PXK: variants seen among roughly 807,000 people sequenced by gnomAD.
The protein encoded by PXK is PX domain-containing protein kinase-like protein.
A neutral mutation model predicts 84.7 loss-of-function variants in PXK; 35 were observed. The observed-to-expected ratio is 0.41, with a 90% CI of 0.32 to 0.55. The LOEUF is 0.55. Among genes scored for constraint, PXK ranks in the 20% least tolerant of loss-of-function variants. The probability of loss-of-function intolerance (pLI) is 0.21; values close to 1 mark genes in which losing one functional copy is unlikely to be tolerated. For missense variants in PXK, 634 were observed against 699.7 expected (o/e 0.91, Z 1.06); for synonymous variants, 253 against 260.8 (o/e 0.97, Z 0.29).
chr3:58,362,180 G>A (rs1261120558), intron 1 of PXK, among the ~76,000 whole-genome samples: 1 of 152,120 alleles, frequency 6.6e-6, no homozygotes, highest in Non-Finnish European at 1.5e-5. Context: ...TTTAAAAAAT[G>A]TTTGTTCTTT....
intron 4 of PXK, among the ~76,000 whole-genome samples, chr3:58,384,797 G>A (rs906531320): frequency 6.6e-6 from 1 of 152,220 alleles, no homozygotes; most frequent in African/African-American, 2.4e-5. Flanking sequence ...TGTGCTGGGT[G>A]TTGGGATGCA....
Position 58,385,841 on chromosome 3 carries a change from A to T in PXK, c.388+3141A>T, listed in dbSNP as rs762124631. Among the ~76,000 whole-genome samples, 3 of 151,934 alleles carry T rather than the reference A, an allele frequency of 2.0e-5. No homozygotes were observed. Among genetic ancestry groups the T allele is most frequent in the Non-Finnish European group, 4.4e-5 (3 of 67,996 alleles). On this transcript the variant is annotated intron_variant, in intron 4 of 17. Coordinates refer to ENST00000356151, the MANE Select transcript of PXK (RefSeq NM_017771.5). This position sits in a 1 kb window ranked among gnomAD's most constrained non-coding sequence, Gnocchi z 5.1. ...GTGGATAATGTCTCCACCTCTTCTC[A>T]TTTTCCACATGGTCTGCAGTCACCA...
Position 58,383,949 on chromosome 3 carries a change from A to G in PXK, c.388+1249A>G, listed in dbSNP as rs1356677721. Among the ~76,000 whole-genome samples the G allele has an allele frequency of 1.3e-5, 2 of 152,068 alleles. No homozygotes were observed. Among genetic ancestry groups the G allele is most frequent in the African/African-American group, 2.4e-5 (1 of 41,398 alleles). The stretch of plus-strand genomic sequence containing the variant: ...CCCATTCATTCACCAAAATATTCCT[A>G]TTTCAGAGAGGGGAAACAGATGTCT... On this transcript the variant is annotated intron_variant, in intron 4 of 17. Transcript: ENST00000356151. This position sits in a 1 kb window ranked among gnomAD's most constrained non-coding sequence, Gnocchi z 4.0.
rs2060735044 is a variant in PXK, at chr3:58,414,883, A to T, written c.1528+1920A>T. Among the ~76,000 whole-genome samples the T allele has an allele frequency of 6.6e-6, 1 of 152,138 alleles. No individual in the cohort carries two copies. Among genetic ancestry groups the T allele is most frequent in the South Asian group, 2.1e-4 (1 of 4,830 alleles). ...AGCATTTCAGGCCCTAAGCATTTCA[A>T]CCCAAGGGAGTTTATTCATTTAAGA... On this transcript the variant is annotated intron_variant, in intron 17 of 17. Transcript: ENST00000356151. This position sits in a 1 kb window ranked among gnomAD's most constrained non-coding sequence, Gnocchi z 4.5.
Position 58,382,625 on chromosome 3 carries a change from A to G in PXK, c.313A>G (p.Thr105Ala). The G allele has an allele frequency of 6.2e-7, 1 of 1,604,054 alleles. No homozygotes were observed. Among genetic ancestry groups the G allele is most frequent in the Non-Finnish European group, 8.5e-7 (1 of 1,177,076 alleles). Residue 105 changes from threonine to alanine, a missense_variant, in exon 4 of 18, where the codon ACA becomes GCA. By Grantham distance (58) the Thr-to-Ala change is moderately conservative. Coordinates refer to ENST00000356151, the MANE Select transcript of PXK (RefSeq NM_017771.5). ...TCAGAACTATCTCAACGTGATCACA[A>G]CAAATCATATCTTGTCTAATTGTGA... ...GLQNYLNVIT[T>A]NHILSNCELV...
At chr3:58,363,007 A>T (rs2098214116) in intron 1 of PXK, among the ~76,000 whole-genome samples, 1 of 152,144 alleles carries the variant, frequency 6.6e-6, no homozygotes, top group African/African-American at 2.4e-5. Context: ...TGAGCCGCTG[A>T]CTTGGCCCCA....
intron 6 of PXK, 64 bp downstream of exon 6, chr3:58,391,284 G>A: frequency 2.2e-6 from 3 of 1,392,928 alleles, no homozygotes; most frequent in Non-Finnish European, 3.0e-6. Context: ...AAGCAGATTT[G>A]ACAAGAGAAT....
Position 58,397,870 on chromosome 3 carries a change from A to G in PXK, c.1102+148A>G. ...AAAATTTAAAAGTAGACCAAATTTG[A>G]GTAGTTTACTTAAATACACTTCTGT... On this transcript the variant is annotated intron_variant, in intron 11 of 17. Coordinates refer to ENST00000356151, the MANE Select transcript of PXK (RefSeq NM_017771.5). The surrounding 1 kb of genome is among the most constrained non-coding windows in gnomAD (Gnocchi z 4.7). 1.5e-6 allele frequency: 1 copy of G among 645,632 alleles called. No individual in the cohort carries two copies. The allele number at this position is 645,632 out of a possible 1,614,324, so 40.0% of individuals were successfully genotyped here. A position where few individuals can be genotyped will look rare whatever the true frequency, so the allele number is the denominator to read the frequency against.
At chr3:58,378,492 C>CTTCTTTTTTTTT (rs1451583616) in intron 3 of PXK, among the ~76,000 whole-genome samples, 4 of 24,322 alleles carry the variant, frequency 1.6e-4, no homozygotes, top group African/African-American at 5.6e-4. Flanking sequence ...CATTTTTCTT[C>CTTCTTTTTTTTT]TTTTTTTTTT....
At chr3:58,388,198 A>G (rs917270059) in intron 4 of PXK, among the ~76,000 whole-genome samples, 1 of 152,238 alleles carries the variant, frequency 6.6e-6, no homozygotes, top group Admixed American at 6.5e-5. Flanking sequence ...TCCTTTCTCC[A>G]ATTCCCTGAC....
intron 2 of PXK, among the ~76,000 whole-genome samples, chr3:58,368,851 A>G (rs1181818359): frequency 6.6e-6 from 1 of 152,240 alleles, no homozygotes. Flanking sequence ...ACTATAGCCT[A>G]ATCAATGGCA....
At chr3:58,342,559 T>A (rs991494001) in intron 1 of PXK, among the ~76,000 whole-genome samples, 7 of 142,248 alleles carry the variant, frequency 4.9e-5, no homozygotes, top group African/African-American at 1.8e-4. Flanking sequence ...CGCTTGAACC[T>A]GGGAGGCAGA....
rs2060144637 is a variant in PXK at position 58,411,162 on chromosome 3, AG to A, written c.1465+1004del. Among the ~76,000 whole-genome samples the A allele has an allele frequency of 6.6e-6, 1 of 152,082 alleles. No homozygotes were observed. The highest frequency in any genetic ancestry group is 2.1e-4 in the South Asian group (1 of 4,822). On this transcript the variant is annotated intron_variant, in intron 16 of 17. Coordinates refer to ENST00000356151, the MANE Select transcript of PXK (RefSeq NM_017771.5). This position sits in a 1 kb window ranked among gnomAD's most constrained non-coding sequence, Gnocchi z 4.2. The stretch of plus-strand genomic sequence containing the variant: ...AGTCTTCTCAGTGAAGTCAGGGAGG[AG>A]AATGTCTGCCTGGGGCGGGAGGAGA...
At chr3:58,363,422 G>A (rs74534531) in intron 1 of PXK, among the ~76,000 whole-genome samples, 1,752 of 152,112 alleles carry the variant, frequency 0.012, 33 homozygotes, top group African/African-American at 0.041. Context: ...ATGACCTTCC[G>A]GGCTCAAGCA....
chr3:58,354,517 G>A (rs2098023951), intron 1 of PXK, among the ~76,000 whole-genome samples: 1 of 150,570 alleles, frequency 6.6e-6, no homozygotes, highest in Non-Finnish European at 1.5e-5. Flanking sequence ...CCTGATCTCA[G>A]CTCACTGCAA....
In PXK at chr3:58,395,767, G is replaced by A. The variant is rs112277400; in HGVS notation, c.822+8G>A. The A allele has an allele frequency of 6.3e-7, 1 of 1,593,576 alleles. No individual in the cohort carries two copies. The highest frequency in any genetic ancestry group is 8.6e-7 in the Non-Finnish European group (1 of 1,164,554). ...GGACGGCAAATATTAGAGGTAAGAG[G>A]TACTTTTGTTTAAGTTGCATTCAGA... is the stretch of plus-strand genomic sequence containing the variant. On this transcript the variant is annotated splice_region_variant and intron_variant, in intron 9 of 17. Coordinates refer to ENST00000356151, the MANE Select transcript of PXK (RefSeq NM_017771.5).
At chr3:58,404,687 A>G (rs2059123340) in intron 13 of PXK, among the ~76,000 whole-genome samples, 1 of 152,218 alleles carries the variant, frequency 6.6e-6, no homozygotes, top group South Asian at 2.1e-4. Context: ...GGCTCTTGGC[A>G]GTGCTCACTA....
At position 58,409,693 on chromosome 3, in the gene PXK, C is replaced by T. The variant is rs752543273; in HGVS notation, c.1395+75C>T. On this transcript the variant is annotated intron_variant, in intron 15 of 17. Transcript: ENST00000356151. This position sits in a 1 kb window ranked among gnomAD's most constrained non-coding sequence, Gnocchi z 4.2. Reference sequence around the variant, plus strand: ...TGAAGAAAGTTCTAGGTTAATGGTGCCCATTTAATGACAGATGCTGTGCTA... The same window carrying T: ...TGAAGAAAGTTCTAGGTTAATGGTGTCCATTTAATGACAGATGCTGTGCTA... The T allele has an allele frequency of 1.0e-5, 12 of 1,195,222 alleles. 1 individual carries two copies. Among genetic ancestry groups the T allele is most frequent in the African/African-American group, 1.6e-5 (1 of 63,994 alleles). 74.0% of individuals were successfully genotyped at this position (1,195,222 alleles called of 1,614,324 possible).
chr3:58,369,547 G>T, intron 3 of PXK, 69 bp downstream of exon 3: 10 of 1,235,248 alleles, frequency 8.1e-6, no homozygotes, highest in Non-Finnish European at 1.1e-5. Context: ...GCTGGAGTCG[G>T]GGCACGGTGG....
Sources: allele counts gnomAD v4.1 joint callset (sites outside exome capture counted in the v4.1 genomes callset), GRCh38; gene constraint gnomAD v4.1.1; non-coding constraint Gnocchi (gnomAD v3.1); transcripts MANE v1.5; gene names NCBI Gene and HGNC (gene_info 2026-07-23, HGNC 2026-07-21).